Variants in SEMA5A observed in about 807,000 individuals in gnomAD.
The protein encoded by SEMA5A is semaphorin 5A, also known as semaphorin-5A.
A neutral mutation model predicts 135.5 loss-of-function variants in SEMA5A; 55 were observed. The observed-to-expected ratio is 0.41, with a 90% confidence interval of 0.33 to 0.51. SEMA5A has a LOEUF of 0.51. Ranked by LOEUF, SEMA5A falls within the 20% of genes least tolerant of loss-of-function variation. The probability of loss-of-function intolerance (pLI) is 0.37; values close to 1 mark genes in which losing one functional copy is unlikely to be tolerated. For missense variants in SEMA5A, 1,290 were observed against 1,419.9 expected, an observed-to-expected ratio of 0.91 and a Z score of 1.47; for synonymous variants, 580 against 546.5, an observed-to-expected ratio of 1.06 and a Z score of -0.85.
intron 10 of SEMA5A, among the ~76,000 whole-genome samples, chr5:9,191,141 G>A (rs1745090444): frequency 6.6e-6 from 1 of 152,168 alleles, no homozygotes; most frequent in Non-Finnish European, 1.5e-5. Flanking sequence ...GGGAAATGGG[G>A]AAGGAAAGGA....
At chr5:9,044,025 C>A (rs1736103565) in intron 22 of SEMA5A, among the ~76,000 whole-genome samples, 2 of 152,166 alleles carry the variant, frequency 1.3e-5, no homozygotes, top group Non-Finnish European at 2.9e-5. Context: ...TTATTAATTC[C>A]TGGTGCTTCA....
At chr5:9,183,328 T>A (rs1744627509) in intron 11 of SEMA5A, among the ~76,000 whole-genome samples, 1 of 152,112 alleles carries the variant, frequency 6.6e-6, no homozygotes. Flanking sequence ...CCGACATCCC[T>A]CTGGGTGAGG....
chr5:9,515,057 T>G (rs116442571), intron 1 of SEMA5A, among the ~76,000 whole-genome samples: 1 of 152,194 alleles, frequency 6.6e-6, no homozygotes, highest in Non-Finnish European at 1.5e-5. Context: ...TATACTAAAC[T>G]ACATCATAGC....
intron 5 of SEMA5A, among the ~76,000 whole-genome samples, chr5:9,291,030 A>G (rs933867104): frequency 1.3e-5 from 2 of 152,212 alleles, no homozygotes; most frequent in Non-Finnish European, 2.9e-5. Flanking sequence ...ACATTTTAAT[A>G]TTAGTACATT....
intron 16 of SEMA5A, among the ~76,000 whole-genome samples, chr5:9,095,556 A>T (rs1026770633): frequency 6.6e-6 from 1 of 152,168 alleles, no homozygotes; most frequent in Admixed American, 6.5e-5. Context: ...AAAAATAGTC[A>T]ATGTTTTGAA....
chr5:9,361,065 G>A (rs1033780917), intron 3 of SEMA5A, among the ~76,000 whole-genome samples: 10 of 152,148 alleles, frequency 6.6e-5, no homozygotes, highest in Non-Finnish European at 1.0e-4. Context: ...TTGGGAGGCC[G>A]AGGCAGGCAG....
At chr5:9,511,190 G>A (rs1182115854) in intron 1 of SEMA5A, 2 of 152,040 alleles carry the variant, frequency 1.3e-5, no homozygotes, top group Non-Finnish European at 2.9e-5. Context: ...AATTTTATAG[G>A]TATATTTACA....
Position 9,108,131 on chromosome 5 carries a change from G to A in SEMA5A, c.2073+9C>T. The A allele has an allele frequency of 6.2e-7, 1 of 1,612,812 alleles. No individual in the cohort carries two copies. Among genetic ancestry groups the A allele is most frequent in the Non-Finnish European group, 8.5e-7 (1 of 1,179,196 alleles). On this transcript the variant is annotated intron_variant, in intron 16 of 22. Coordinates refer to ENST00000382496, the MANE Select transcript of SEMA5A (RefSeq NM_003966.3). ...ATTGTGGGCTGGGTGTGAGAAGAAG[G>A]CTACTCACCACATTGCAGCCTGCAC...
At chr5:9,415,056 G>T (rs2126614832) in intron 2 of SEMA5A, among the ~76,000 whole-genome samples, 1 of 152,202 alleles carries the variant, frequency 6.6e-6, no homozygotes, top group South Asian at 2.1e-4. Context: ...TTGACACAAA[G>T]GAAAGATCTA....
chr5:9,160,218 C>A (rs1743176717), intron 11 of SEMA5A, among the ~76,000 whole-genome samples: 1 of 152,198 alleles, frequency 6.6e-6, no homozygotes, highest in African/African-American at 2.4e-5. Context: ...CAGCATTCTC[C>A]TCCATTGGAA....
intron 1 of SEMA5A, among the ~76,000 whole-genome samples, chr5:9,440,182 T>G (rs1758182727): frequency 6.6e-6 from 1 of 152,240 alleles, no homozygotes; most frequent in Non-Finnish European, 1.5e-5. Flanking sequence ...ACAATGATTC[T>G]TGCAGGTCCA....
At position 9,298,550 on chromosome 5, in the gene SEMA5A, C is replaced by T. The variant is rs139102170; in HGVS notation, c.270+19822G>A. On this transcript the variant is annotated intron_variant, in intron 5 of 22. Transcript: ENST00000382496. ...CACAACCCAGTCCTTTTTTTATCTT[C>T]TAAGTTTTTTTAAAAGTTCTCTCCT... Among the ~76,000 whole-genome samples the T allele has an allele frequency of 1.9e-4, 29 of 152,250 alleles. 1 individual carries two copies. In the East Asian group the frequency reaches 5.4e-3, roughly 28 times the overall value.
intron 1 of SEMA5A, among the ~76,000 whole-genome samples, chr5:9,439,356 A>T (rs549162408): frequency 1.3e-5 from 2 of 152,352 alleles, no homozygotes; most frequent in South Asian, 4.1e-4. Flanking sequence ...ATACACAAGC[A>T]TCCTCTCTCC....
intron 3 of SEMA5A, among the ~76,000 whole-genome samples, chr5:9,378,266 A>G (rs1755450939): frequency 6.6e-6 from 1 of 152,190 alleles, no homozygotes; most frequent in African/African-American, 2.4e-5. Flanking sequence ...TTTCCTGCAT[A>G]AGGTGTACCT....
At chr5:9,441,806 G>C (rs1477770523) in intron 1 of SEMA5A, among the ~76,000 whole-genome samples, 4 of 152,170 alleles carry the variant, frequency 2.6e-5, no homozygotes, top group African/African-American at 9.7e-5. Flanking sequence ...CAAGAGCATG[G>C]AGAGCTCAAA....
At position 9,485,480 on chromosome 5, in the gene SEMA5A, G is replaced by A. The variant is rs186137148; in HGVS notation, c.-174-47628C>T. 3.2e-3 allele frequency among the ~76,000 whole-genome samples: 490 copies of A among 152,288 alleles called. 1 individual carries two copies. The highest frequency in any genetic ancestry group is 5.3e-3 in the Non-Finnish European group (362 of 68,010). On this transcript the variant is annotated intron_variant, in intron 1 of 22. Coordinates refer to ENST00000382496, the MANE Select transcript of SEMA5A (RefSeq NM_003966.3). ...TGCCCCGAGCTCAGAGACAACAAAT[G>A]CAATGAGCAAACGAAACAGAAGCTA...
At chr5:9,354,601 T>A (rs1218352749) in intron 3 of SEMA5A, among the ~76,000 whole-genome samples, 1 of 152,192 alleles carries the variant, frequency 6.6e-6, no homozygotes. Flanking sequence ...ACCTACTCTG[T>A]GCCTGGTCCT....
chr5:9,436,872 C>T (rs1232642382), intron 2 of SEMA5A, among the ~76,000 whole-genome samples: 1 of 152,168 alleles, frequency 6.6e-6, no homozygotes, highest in Non-Finnish European at 1.5e-5. Context: ...TTCAGAAAGG[C>T]TCCTGTGAAG....
At chr5:9,419,538 G>A (rs2126627746) in intron 2 of SEMA5A, among the ~76,000 whole-genome samples, 1 of 152,284 alleles carries the variant, frequency 6.6e-6, no homozygotes, top group Admixed American at 6.5e-5. Context: ...CGAGGATGCT[G>A]ATTACATCTC....
Sources: gnomAD v4.1 joint callset for allele counts (sites outside exome capture counted in the v4.1 genomes callset) on GRCh38, gnomAD v4.1.1 for gene constraint, MANE v1.5 for transcripts, NCBI Gene and HGNC (gene_info 2026-07-23, HGNC 2026-07-21) for gene names.